CTNNA2: variants seen among roughly 807,000 people sequenced by gnomAD.
CTNNA2 encodes catenin alpha-2.
CTNNA2 carries 42 observed loss-of-function variants against 101.0 expected under a neutral mutation model. That is an observed-to-expected ratio of 0.42 (90% CI 0.32 to 0.54). The LOEUF is 0.54. Ranked by LOEUF, CTNNA2 falls within the 20% of genes least tolerant of loss-of-function variation. CTNNA2 has a pLI of 0.14. For missense variants in CTNNA2, 871 were observed against 1,223.1 expected, an observed-to-expected ratio of 0.71 and a Z score of 4.29; for synonymous variants, 450 against 456.4, an observed-to-expected ratio of 0.99 and a Z score of 0.18.
At chr2:80,528,185 T>G (rs1489391610) in intron 9 of CTNNA2, among the ~76,000 whole-genome samples, 1 of 152,098 alleles carries the variant, frequency 6.6e-6, no homozygotes, top group Non-Finnish European at 1.5e-5. Flanking sequence ...TAGCTGTATT[T>G]TTGTTGTTGT....
At position 80,222,452 on chromosome 2, in the gene CTNNA2, T is replaced by C. The variant is rs1266668789; in HGVS notation, c.1057-170759T>C. ...AGAGAAAGTCATGACTCAGATCTTC[T>C]AGAGACTCAGATCCTAAAGGTTAGG... On this transcript the variant is annotated intron_variant, in intron 7 of 18. Transcript: ENST00000402739. Among the ~76,000 whole-genome samples, 2 of 152,304 alleles carry C rather than the reference T, an allele frequency of 1.3e-5. 1 individual carries two copies. The highest frequency in any genetic ancestry group is 6.8e-3 in the Middle Eastern group (2 of 294).
chr2:79,538,705 C>G (rs1292337777), intron 1 of CTNNA2, among the ~76,000 whole-genome samples: 1 of 152,102 alleles, frequency 6.6e-6, no homozygotes, highest in Non-Finnish European at 1.5e-5. Flanking sequence ...ATTTAAATTA[C>G]ATGGGGTCAG....
chr2:80,400,988 G>A (rs1000030818), intron 8 of CTNNA2, among the ~76,000 whole-genome samples: 19 of 152,144 alleles, frequency 1.2e-4, no homozygotes, highest in African/African-American at 3.4e-4. Flanking sequence ...CACCCTTTTT[G>A]TTTTCTTCCA....
chr2:79,528,102 C>T (rs1672525403), intron 1 of CTNNA2, among the ~76,000 whole-genome samples: 1 of 152,098 alleles, frequency 6.6e-6, no homozygotes, highest in Non-Finnish European at 1.5e-5. Context: ...ATAAAATGTC[C>T]AGAATTCACC....
At chr2:79,229,286 G>A (rs1055817038) in intron 2 of CTNNA2, among the ~76,000 whole-genome samples, 3 of 152,152 alleles carry the variant, frequency 2.0e-5, no homozygotes, top group East Asian at 1.9e-4. Flanking sequence ...AACTTGAATT[G>A]TATCTCCCAG....
chr2:79,649,826 T>G (rs954271663), intron 1 of CTNNA2, among the ~76,000 whole-genome samples: 1 of 152,124 alleles, frequency 6.6e-6, no homozygotes, highest in Non-Finnish European at 1.5e-5. Flanking sequence ...TTGCCTCTAC[T>G]TTTTTTCTGA....
At position 79,311,214 on chromosome 2, in the gene CTNNA2, T is replaced by A. The variant is rs13418226; in HGVS notation, c.-405-1495T>A. 4.0e-5 allele frequency among the ~76,000 whole-genome samples: 6 copies of A among 151,682 alleles called. No homozygotes were observed. The East Asian group carries it at 1.2e-3, about 30-fold the overall frequency. ...CACGAGGTCAGGAGATCGAGACCAT[T>A]CTGGCTAACACGGTGAAGCCCCGTC... On this transcript the variant is annotated intron_variant, in intron 2 of 21. Transcript: ENST00000466387.
intron 3 of CTNNA2, among the ~76,000 whole-genome samples, chr2:79,335,525 C>T (rs915340688): frequency 3.9e-5 from 6 of 152,166 alleles, no homozygotes; most frequent in Non-Finnish European, 8.8e-5. Flanking sequence ...CCTCAATTTC[C>T]TTCCAGGTAA....
intron 1 of CTNNA2, among the ~76,000 whole-genome samples, chr2:79,563,800 T>G (rs1674940270): frequency 1.3e-5 from 2 of 152,322 alleles, no homozygotes; most frequent in East Asian, 1.9e-4. Flanking sequence ...TAGTTTTCAT[T>G]AATTTGGAAA....
At chr2:80,577,364 A>G (rs1695145517) in intron 13 of CTNNA2, among the ~76,000 whole-genome samples, 1 of 152,096 alleles carries the variant, frequency 6.6e-6, no homozygotes, top group South Asian at 2.1e-4. Flanking sequence ...AGATACTGGG[A>G]GAAGGAAGAA....
chr2:79,544,227 C>T (rs750925673), intron 1 of CTNNA2, among the ~76,000 whole-genome samples: 18 of 152,258 alleles, frequency 1.2e-4, no homozygotes, highest in South Asian at 2.1e-4. Context: ...CATGAGCCAC[C>T]GCGCCCAGCT....
chr2:79,565,062 AG>A (rs1440164747), intron 1 of CTNNA2, among the ~76,000 whole-genome samples: 3 of 152,092 alleles, frequency 2.0e-5, no homozygotes, highest in African/African-American at 7.2e-5. Flanking sequence ...GGGGAGAGCA[AG>A]GATTTAAGTG....
chr2:79,854,310 G>A (rs1411978816), intron 3 of CTNNA2, among the ~76,000 whole-genome samples: 1 of 152,214 alleles, frequency 6.6e-6, no homozygotes, highest in Non-Finnish European at 1.5e-5. Flanking sequence ...GATAGTAGTG[G>A]TATTAATGAA....
At chr2:79,294,682 CATA>C (rs1675932482) in intron 2 of CTNNA2, among the ~76,000 whole-genome samples, 1 of 152,106 alleles carries the variant, frequency 6.6e-6, no homozygotes, top group Admixed American at 6.6e-5. Flanking sequence ...TTGAATTTTG[CATA>C]ATATTTCATT....
intron 9 of CTNNA2, among the ~76,000 whole-genome samples, chr2:80,428,276 T>G (rs1274724285): frequency 3.3e-5 from 5 of 152,204 alleles, no homozygotes. Flanking sequence ...ATTGGAAGGT[T>G]TTGAACAAAG....
At chr2:80,498,421 A>G (rs987660604) in intron 9 of CTNNA2, among the ~76,000 whole-genome samples, 16 of 152,296 alleles carry the variant, frequency 1.1e-4, no homozygotes, top group Middle Eastern at 6.8e-3. Context: ...GCCAATTGCA[A>G]TCTCCTATGT....
intron 7 of CTNNA2, among the ~76,000 whole-genome samples, chr2:80,301,414 A>G (rs892378105): frequency 6.6e-6 from 1 of 152,252 alleles, no homozygotes; most frequent in African/African-American, 2.4e-5. Context: ...AGGAGAATTA[A>G]GAACAGGTGG....
chr2:80,101,366 T>C (rs185973584), intron 7 of CTNNA2, among the ~76,000 whole-genome samples: 411 of 152,316 alleles, frequency 2.7e-3, no homozygotes, highest in African/African-American at 6.3e-3. Context: ...CACTGTACAT[T>C]ATGATTTTAA....
At chr2:80,121,094 T>G (rs927950002) in intron 7 of CTNNA2, among the ~76,000 whole-genome samples, 27 of 152,228 alleles carry the variant, frequency 1.8e-4, no homozygotes, top group African/African-American at 6.5e-4. Flanking sequence ...TGATTTTGTC[T>G]TAAGGCTAGA....
Sources: gnomAD v4.1 joint callset for allele counts (sites outside exome capture counted in the v4.1 genomes callset) on GRCh38, gnomAD v4.1.1 for gene constraint, MANE v1.5 for transcripts, NCBI Gene and HGNC (gene_info 2026-07-23, HGNC 2026-07-21) for gene names.